Variants in DPY19L3 observed in about 807,000 individuals in gnomAD.
DPY19L3 encodes the protein dpy-19 like C-mannosyltransferase 3.
A neutral mutation model predicts 92.3 loss-of-function variants in DPY19L3; 51 were observed. The observed-to-expected ratio is 0.55, with a 90% CI of 0.44 to 0.70. The LOEUF (loss-of-function observed/expected upper bound fraction) is 0.70, where lower values mean the gene tolerates loss of function less well. DPY19L3 is among the 30% of genes least tolerant of loss of function. The probability of loss-of-function intolerance (pLI) is 0.00; values close to 1 mark genes in which losing one functional copy is unlikely to be tolerated. For synonymous variants in DPY19L3, 309 were observed against 315.2 expected, an observed-to-expected ratio of 0.98 and a Z score of 0.21; for missense variants, 706 against 855.9, an observed-to-expected ratio of 0.82 and a Z score of 2.18.
At chr19:32,454,897 A>G (rs769661568) in intron 9 of DPY19L3, 42 bp from the exon 10 acceptor site, 15 of 1,304,496 alleles carry the variant, frequency 1.1e-5, no homozygotes, top group Middle Eastern at 3.8e-4. Context: ...ATGAAGTTAT[A>G]TTAAAACTTA....
chr19:32,421,645 A>AG (rs1555716877), intron 3 of DPY19L3, among the ~76,000 whole-genome samples: 1,376 of 37,958 alleles, frequency 0.036, 27 homozygotes, highest in African/African-American at 0.086. Flanking sequence ...AAAAAAAAAA[A>AG]AGAGAGAGGA....
chr19:32,483,733 G>A lies in DPY19L3; in HGVS notation c.*1493G>A, dbSNP rs1356310421. ...GACAGTAGCTGGGTTATTAAATTAT[G>A]CAACTGAAACTCCTGAATTATATCT... On this transcript the variant is annotated 3_prime_UTR_variant, in exon 19 of 19. Transcript: ENST00000392250. The A allele has an allele frequency of 2.0e-5, 3 of 152,154 alleles. No individual in the cohort carries two copies. Among genetic ancestry groups the A allele is most frequent in the Non-Finnish European group, 4.4e-5 (3 of 68,014 alleles). 9.4% of individuals were successfully genotyped at this position (152,154 alleles called of 1,614,324 possible).
intron 13 of DPY19L3, 83 bp from the exon 14 acceptor site, chr19:32,463,786 T>C: frequency 8.1e-7 from 1 of 1,237,212 alleles, no homozygotes. Context: ...TCATAGACTG[T>C]AAAGCTGCCT....
chr19:32,472,917 G>A (rs554417644), intron 16 of DPY19L3, among the ~76,000 whole-genome samples: 4 of 152,286 alleles, frequency 2.6e-5, no homozygotes, highest in African/African-American at 9.6e-5. Context: ...GAAAGTTCGT[G>A]TATATTTTAA....
Position 32,458,087 on chromosome 19 carries a change from C to G in DPY19L3, c.1090-13C>G. On this transcript the variant is annotated splice_polypyrimidine_tract_variant and intron_variant, in intron 10 of 18. Coordinates refer to ENST00000392250, the MANE Select transcript of DPY19L3 (RefSeq NM_001172774.2). ...GGACTAATAGCAATTTTTGTTTTCT[C>G]TTTCCCCGATAGAAAATTCTTAACC... is the stretch of plus-strand genomic sequence containing the variant. The G allele has an allele frequency of 2.5e-6, 4 of 1,604,252 alleles. No homozygotes were observed. The highest frequency in any genetic ancestry group is 4.5e-5 in the East Asian group (2 of 44,800).
chr19:32,450,672 A>G lies in DPY19L3; in HGVS notation c.856-2473A>G, dbSNP rs1969670340. On this transcript the variant is annotated intron_variant, in intron 8 of 18. Coordinates refer to ENST00000392250, the MANE Select transcript of DPY19L3 (RefSeq NM_001172774.2). ...AAATGTCCAGAATATGCAAATCTGT[A>G]GAGAACAGTACATCAGTGGTTGCCG... 3.3e-5 allele frequency among the ~76,000 whole-genome samples: 5 copies of G among 152,212 alleles called. No homozygotes were observed. The South Asian group carries it at 1.0e-3, about 31-fold the overall frequency.
chr19:32,412,327 A>G (rs965194405), intron 3 of DPY19L3: 2 of 151,846 alleles, frequency 1.3e-5, no homozygotes, highest in Non-Finnish European at 2.9e-5. Flanking sequence ...AAAGAATACT[A>G]TCACATCTAG....
At chr19:32,419,177 T>G (rs1302760014) in intron 3 of DPY19L3, among the ~76,000 whole-genome samples, 1 of 151,728 alleles carries the variant, frequency 6.6e-6, no homozygotes, top group Non-Finnish European at 1.5e-5. Context: ...TTTTTTTTTT[T>G]TGAGACAGAG....
At chr19:32,457,860 T>C (rs776217984) in intron 10 of DPY19L3, among the ~76,000 whole-genome samples, 3 of 152,214 alleles carry the variant, frequency 2.0e-5, no homozygotes, top group Non-Finnish European at 4.4e-5. Context: ...ATTTAACTTA[T>C]GTATAAGATG....
intron 6 of DPY19L3, 111 bp downstream of exon 6, chr19:32,437,450 A>G (rs1381238097): frequency 7.6e-7 from 1 of 1,313,242 alleles, no homozygotes; most frequent in East Asian, 2.4e-5. Flanking sequence ...GGTTGGGAGC[A>G]GTTTCTCTTT....
At chr19:32,473,625 C>T (rs1404716990) in intron 16 of DPY19L3, among the ~76,000 whole-genome samples, 1 of 152,156 alleles carries the variant, frequency 6.6e-6, no homozygotes, top group African/African-American at 2.4e-5. Context: ...TTCCACTTTG[C>T]TTGTAGCTTT....
At chr19:32,466,914 A>T (rs1326901824) in intron 15 of DPY19L3, among the ~76,000 whole-genome samples, 1 of 152,246 alleles carries the variant, frequency 6.6e-6, no homozygotes, top group Non-Finnish European at 1.5e-5. Flanking sequence ...TTTTCCAACT[A>T]TTCCAGCTCT....
intron 15 of DPY19L3, among the ~76,000 whole-genome samples, chr19:32,466,762 C>G (rs983004401): frequency 1.3e-5 from 2 of 152,248 alleles, no homozygotes; most frequent in Non-Finnish European, 2.9e-5. Flanking sequence ...TCTCTTGATA[C>G]AGGAGTTTAG....
Position 32,464,740 on chromosome 19 carries a change from C to A in DPY19L3, c.1570C>A (p.Arg524=). 1 of 1,506,910 alleles carries A rather than the reference C, an allele frequency of 6.6e-7. No homozygotes were observed. The highest frequency in any genetic ancestry group is 9.0e-7 in the Non-Finnish European group (1 of 1,108,462). 93.3% of individuals were successfully genotyped at this position (1,506,910 alleles called of 1,614,324 possible). A position where few individuals can be genotyped will look rare whatever the true frequency, so the allele number is the denominator to read the frequency against. The change falls in exon 15 of 19, where the codon CGA becomes AGA. Residue 524 remains arginine (R), a synonymous_variant. Transcript: ENST00000392250. ...LYNPKRICIM[R]YSVPILILLY... ...CTTTCTTATATAGATATGTATAATGCGATATTCAGTACCGATATTAATACT... is the reference window on the plus strand; with the variant it reads ...CTTTCTTATATAGATATGTATAATGAGATATTCAGTACCGATATTAATACT...
intron 3 of DPY19L3, among the ~76,000 whole-genome samples, chr19:32,422,686 C>T (rs1251846133): frequency 6.7e-6 from 1 of 149,016 alleles, no homozygotes; most frequent in Non-Finnish European, 1.5e-5. Flanking sequence ...TTCAAGGAAA[C>T]TTTCCAAAAG....
chr19:32,424,187 G>A (rs1224191702), intron 3 of DPY19L3, among the ~76,000 whole-genome samples: 1 of 151,818 alleles, frequency 6.6e-6, no homozygotes, highest in Non-Finnish European at 1.5e-5. Context: ...GGGTGTGGTA[G>A]TGTGCACCTG....
At chr19:32,441,196 T>C (rs1969311495) in intron 8 of DPY19L3, among the ~76,000 whole-genome samples, 1 of 152,148 alleles carries the variant, frequency 6.6e-6, no homozygotes, top group Admixed American at 6.5e-5. Flanking sequence ...TCATTTTAGT[T>C]GTATTGTAAT....
intron 3 of DPY19L3, among the ~76,000 whole-genome samples, chr19:32,425,165 G>GC (rs1463184248): frequency 6.6e-6 from 1 of 152,046 alleles, no homozygotes; most frequent in African/African-American, 2.4e-5. Flanking sequence ...TGTGGAGTAG[G>GC]CCAAAACTTC....
chr19:32,449,549 A>C (rs969774036), intron 8 of DPY19L3, among the ~76,000 whole-genome samples: 36 of 152,218 alleles, frequency 2.4e-4, no homozygotes, highest in African/African-American at 8.7e-4. Context: ...TAATCAGGAC[A>C]GTGTGATACT....
Sources: gnomAD v4.1 joint callset for allele counts (sites outside exome capture counted in the v4.1 genomes callset) on GRCh38, gnomAD v4.1.1 for gene constraint, MANE v1.5 for transcripts, NCBI Gene and HGNC (gene_info 2026-07-23, HGNC 2026-07-21) for gene names.